The following CPSF1 variants were observed in gnomAD, a reference collection of about 807,000 sequenced individuals.
CPSF1 encodes cleavage and polyadenylation specificity factor subunit 1.
Under a neutral mutation model 175.8 loss-of-function variants are expected in CPSF1, and 106 were observed. The observed-to-expected ratio is 0.60, with a 90% CI of 0.52 to 0.71. The LOEUF (loss-of-function observed/expected upper bound fraction) is 0.71. Ranked by LOEUF, CPSF1 falls within the 30% of genes least tolerant of loss-of-function variation. CPSF1 has a pLI of 0.00. For missense variants in CPSF1, 1,734 were observed against 2,022.9 expected, an observed-to-expected ratio of 0.86 and a Z score of 2.74; for synonymous variants, 1,024 against 858.3, an observed-to-expected ratio of 1.19 and a Z score of -3.37.
At chr8:144,400,135 G>GGGGGGCCCCCCCCC in intron 9 of CPSF1, 31 bp downstream of exon 9, 5 of 896,010 alleles carry the variant, frequency 5.6e-6, no homozygotes, top group Non-Finnish European at 8.0e-6. Context: ...CCGTCCCCGG[G>GGGGGGCCCCCCCCC]CCCCCCCCGC....
intron 9 of CPSF1, 31 bp downstream of exon 9, chr8:144,400,135 G>GGGGCCCCCCCCCCCCCCCCCCCCCCCCC: frequency 2.2e-5 from 20 of 895,982 alleles, no homozygotes; most frequent in South Asian, 3.3e-5. Flanking sequence ...CCGTCCCCGG[G>GGGGCCCCCCCCCCCCCCCCCCCCCCCCC]CCCCCCCCGC....
intron 17 of CPSF1, 42 bp from the exon 18 acceptor site, chr8:144,398,680 G>A (rs2116853558): frequency 6.2e-7 from 1 of 1,608,994 alleles, no homozygotes; most frequent in Non-Finnish European, 8.5e-7. Flanking sequence ...CCACAGTCCA[G>A]TGAAGGCAGG....
In CPSF1 at chr8:144,394,301, C is replaced by T; in HGVS notation, c.3745-1G>A. On this transcript the variant is annotated splice_acceptor_variant, in intron 32 of 37. Coordinates refer to ENST00000616140, the MANE Select transcript of CPSF1 (RefSeq NM_013291.3). LOFTEE classifies it high-confidence loss of function. ...TGTACACCTCCAGGGGCTTGGCATC[C>T]TGGGGGCGGGAAGGGGGCGTCAGAG... 1 of 1,589,462 alleles carries T rather than the reference C, an allele frequency of 6.3e-7. No individual in the cohort carries two copies. Among genetic ancestry groups the T allele is most frequent in the Non-Finnish European group, 8.6e-7 (1 of 1,166,044 alleles).
rs2116873204 is a variant in CPSF1, at chr8:144,400,194, G to C, written c.909C>G (p.Leu303=). 1.3e-6 allele frequency: 2 copies of C among 1,583,968 alleles called. No individual in the cohort carries two copies. Among genetic ancestry groups the C allele is most frequent in the African/African-American group, 1.4e-5 (1 of 73,692 alleles). ...GCGGGAAAGCCGTGGTTCCTGTGGT[G>C]AGGCTGTTGAGAGCCACGCCATACG... ...VPPYGVALNS[L]TTGTTAFPLR... Residue 303 remains leucine, a synonymous_variant, in exon 9 of 38, where the codon CTC becomes CTG. Transcript: ENST00000616140.
Position 144,400,976 on chromosome 8 carries a change from GC to G in CPSF1, c.486del (p.Phe164SerfsTer33). 6.2e-7 allele frequency: 1 copy of G among 1,610,388 alleles called. No homozygotes were observed. The highest frequency in any genetic ancestry group is 8.5e-7 in the Non-Finnish European group (1 of 1,178,438). On this transcript the variant is annotated frameshift_variant, in exon 6 of 38. Coordinates refer to ENST00000616140, the MANE Select transcript of CPSF1 (RefSeq NM_013291.3). LOFTEE classifies it high-confidence loss of function. ...MLVYGTRLVV[L>X]PFRRESLAEE... Reference sequence around the variant, plus strand: ...TCAGCCAGGCTCTCCCTGCGGAAGGGCAGGACCACCAGCCGCGTGCCGTAGA... The same window carrying G: ...TCAGCCAGGCTCTCCCTGCGGAAGGGAGGACCACCAGCCGCGTGCCGTAGA...
Position 144,395,463 on chromosome 8 carries a change from TG to T in CPSF1, c.3067del (p.His1023ThrfsTer28). 6.2e-7 allele frequency: 1 copy of T among 1,604,572 alleles called. No homozygotes were observed. Among genetic ancestry groups the T allele is most frequent in the Non-Finnish European group, 8.5e-7 (1 of 1,175,518 alleles). ...AGACTCCACGTGGTAAGCCACATAG[TG>T]GGCCGTGCAGCGCAGCGGGATCTTC... ...VRKIPLRCTA[H>X]YVAYHVESKV... On this transcript the variant is annotated frameshift_variant, in exon 27 of 38. Transcript: ENST00000616140. LOFTEE classifies it high-confidence loss of function.
At position 144,395,559 on chromosome 8, in the gene CPSF1, GGGGGCACAGGGGTCA is replaced by G; in HGVS notation, c.2980-23_2980-9del. On this transcript the variant is annotated splice_polypyrimidine_tract_variant and intron_variant, in intron 26 of 37. Coordinates refer to ENST00000616140, the MANE Select transcript of CPSF1 (RefSeq NM_013291.3). ...ACTGATCCTCAGCTCGCCCTGGGGTGGGGGCACAGGGGTCAGGGGATCCAGGGCTAGCCAAGGGCA... is the reference window on the plus strand; with the variant it reads ...ACTGATCCTCAGCTCGCCCTGGGGTGGGGGATCCAGGGCTAGCCAAGGGCA... 1 of 1,533,776 alleles carries G rather than the reference GGGGGCACAGGGGTCA, an allele frequency of 6.5e-7. No individual in the cohort carries two copies. Among genetic ancestry groups the G allele is most frequent in the Non-Finnish European group, 9.0e-7 (1 of 1,112,548 alleles).
Position 144,398,077 on chromosome 8 carries a change from G to C in CPSF1, c.1950C>G (p.Ala650=), listed in dbSNP as rs141180241. The C allele has an allele frequency of 3.5e-5, 57 of 1,611,756 alleles. No individual in the cohort carries two copies. In the East Asian group the frequency reaches 1.2e-3, roughly 35 times the overall value. The change falls in exon 20 of 38, where the codon GCC becomes GCG. Residue 650 remains alanine, a synonymous_variant. Coordinates refer to ENST00000616140, the MANE Select transcript of CPSF1 (RefSeq NM_013291.3). ...TGATGACCACATAGGGGTCGGCCACGGCGCACTGCACGATGGGGGCGCCCA... is the reference window on the plus strand; with the variant it reads ...TGATGACCACATAGGGGTCGGCCACCGCGCACTGCACGATGGGGGCGCCCA... The part of the protein sequence containing the change: ...VDLGAPIVQC[A]VADPYVVIMS...
rs1821218017 is a variant in CPSF1, at chr8:144,401,681, G to A, written c.145-8C>T. 6.2e-7 allele frequency: 1 copy of A among 1,605,380 alleles called. No homozygotes were observed. Among genetic ancestry groups the A allele is most frequent in the African/African-American group, 1.3e-5 (1 of 74,870 alleles). On this transcript the variant is annotated splice_polypyrimidine_tract_variant and splice_region_variant and intron_variant, in intron 2 of 37. Coordinates refer to ENST00000616140, the MANE Select transcript of CPSF1 (RefSeq NM_013291.3). ...GTCATTCTTGGTCAGAGCCTGGAGG[G>A]GAGAGAAAGACAGGGCAGTGAGGGG...
At chr8:144,403,945 T>A (rs1821357142) in intron 2 of CPSF1, among the ~76,000 whole-genome samples, 1 of 151,248 alleles carries the variant, frequency 6.6e-6, no homozygotes, top group African/African-American at 2.4e-5. Flanking sequence ...CCGGGCACAG[T>A]GGCTCACGCC....
chr8:144,400,636 C>T, intron 7 of CPSF1, 35 bp downstream of exon 7: 2 of 1,596,024 alleles, frequency 1.3e-6, no homozygotes, highest in Non-Finnish European at 8.5e-7. Context: ...AGCTAGGGGG[C>T]CCACAGTGCA....
intron 2 of CPSF1, among the ~76,000 whole-genome samples, chr8:144,402,357 A>C (rs574434711): frequency 6.6e-6 from 1 of 151,880 alleles, no homozygotes; most frequent in South Asian, 2.1e-4. Flanking sequence ...ACCCAGGCTG[A>C]AGTGCAGTGG....
chr8:144,395,264 C>CTCCCAT lies in CPSF1; in HGVS notation c.3187_3187+1insATGGGA (p.Asp1063_Glu1064insGlyAsn), dbSNP rs1820645015. 1 of 1,612,986 alleles carries CTCCCAT rather than the reference C, an allele frequency of 6.2e-7. No individual in the cohort carries two copies. The highest frequency in any genetic ancestry group is 1.7e-5 in the Admixed American group (1 of 59,972). On this transcript the variant is annotated inframe_insertion and splice_region_variant. Coordinates refer to ENST00000616140, the MANE Select transcript of CPSF1 (RefSeq NM_013291.3). ...TGGGAGTATGGTGTGGGCGTCACCA[C>CTCCCAT]CTCTCTCGATGGTCTCAAACTCCTT...
rs373263765 is a variant in CPSF1 at position 144,393,783 on chromosome 8, G to A, written c.4029C>T (p.Gly1343=). 171 of 1,597,520 alleles carry A rather than the reference G, an allele frequency of 1.1e-4. No individual in the cohort carries two copies. The highest frequency in any genetic ancestry group is 1.2e-4 in the African/African-American group (9 of 74,840). ...GCATGGGCAGCAGCAGCCCGATGCC[G>A]CCGTCCAGGGTGGCTGGCAGGGGTA... is the stretch of plus-strand genomic sequence containing the variant. The part of the protein sequence containing the change: ...KHITWFATLD[G]GIGLLLPMQE... Residue 1343 remains glycine, a synonymous_variant, in exon 36 of 38, where the codon GGC becomes GGT. Coordinates refer to ENST00000616140, the MANE Select transcript of CPSF1 (RefSeq NM_013291.3).
At chr8:144,401,764 C>G (rs2116887163) in intron 2 of CPSF1, 91 bp from the exon 3 acceptor site, 20 of 1,390,978 alleles carry the variant, frequency 1.4e-5, no homozygotes, top group Non-Finnish European at 1.9e-5. Flanking sequence ...AGCCTGGCCC[C>G]TGCCTCCTGG....
chr8:144,396,777 C>A (rs1054799927), intron 24 of CPSF1, 36 bp from the exon 25 acceptor site: 1 of 1,612,838 alleles, frequency 6.2e-7, no homozygotes, highest in Non-Finnish European at 8.5e-7. Flanking sequence ...CAGGGGCTGC[C>A]GGTCTGAAAC....
At chr8:144,400,135 G>GGGGGGGGCCCCCCCCCCCCCCCCCCC in intron 9 of CPSF1, 31 bp downstream of exon 9, 5 of 895,998 alleles carry the variant, frequency 5.6e-6, no homozygotes, top group Non-Finnish European at 8.0e-6. Flanking sequence ...CCGTCCCCGG[G>GGGGGGGGCCCCCCCCCCCCCCCCCCC]CCCCCCCCGC....
rs2116856352 is a variant in CPSF1 at position 144,398,936 on chromosome 8, C to T, written c.1548+22G>A. The T allele has an allele frequency of 5.6e-6, 9 of 1,612,444 alleles. No homozygotes were observed. In the East Asian group the frequency reaches 8.9e-5, roughly 16 times the overall value. On this transcript the variant is annotated intron_variant, in intron 16 of 37. Transcript: ENST00000616140. Reference sequence around the variant, plus strand: ...CACCCAGGTCCCACCAGGAGGCGCCCGCCCCCTACCTGCCCACACACCTGC... The same window carrying T: ...CACCCAGGTCCCACCAGGAGGCGCCTGCCCCCTACCTGCCCACACACCTGC...
chr8:144,393,775 C>A lies in CPSF1; in HGVS notation c.4037G>T (p.Gly1346Val). 6.3e-7 allele frequency: 1 copy of A among 1,596,246 alleles called. No individual in the cohort carries two copies. The highest frequency in any genetic ancestry group is 8.5e-7 in the Non-Finnish European group (1 of 1,177,244). Residue 1346 changes from glycine to valine, a missense_variant, in exon 36 of 38, where the codon GGG becomes GTG. Physicochemically the swap from Gly to Val is moderately radical, Grantham distance 109. This residue lies in a region of CPSF1 where 323 missense variants were observed against 338.5 expected (regional missense o/e 0.95). Transcript: ENST00000616140. ...CTTCTCCTGCATGGGCAGCAGCAGC[C>A]CGATGCCGCCGTCCAGGGTGGCTGG... is the stretch of plus-strand genomic sequence containing the variant. ...TWFATLDGGI[G>V]LLLPMQEKTY...
Sources: gnomAD v4.1 joint callset for allele counts (sites outside exome capture counted in the v4.1 genomes callset) on GRCh38, gnomAD v4.1.1 for gene constraint, gnomAD v4.1.1 regional missense constraint, MANE v1.5 for transcripts, NCBI Gene and HGNC (gene_info 2026-07-23, HGNC 2026-07-21) for gene names.